TMEM117: variants seen among roughly 807,000 people sequenced by gnomAD.
The protein encoded by TMEM117 is transmembrane protein 117.
Under a neutral mutation model 52.4 loss-of-function variants are expected in TMEM117, and 27 were observed. The observed-to-expected ratio is 0.51, with a 90% CI of 0.38 to 0.71. The LOEUF is 0.71. Among genes scored for constraint, TMEM117 ranks in the 30% least tolerant of loss-of-function variants. The pLI is 0.00. For missense variants in TMEM117, 556 were observed against 630.5 expected (o/e 0.88, Z 1.26); for synonymous variants, 215 against 206.3 (o/e 1.04, Z -0.36).
chr12:44,078,903 C>T (rs1474674939), intron 3 of TMEM117, among the ~76,000 whole-genome samples: 4 of 140,124 alleles, frequency 2.9e-5, no homozygotes, highest in East Asian at 4.6e-4. Flanking sequence ...TGATGTTACC[C>T]TCCCTGTGTC....
At chr12:44,196,390 A>G (rs1949421362) in intron 4 of TMEM117, among the ~76,000 whole-genome samples, 1 of 152,234 alleles carries the variant, frequency 6.6e-6, no homozygotes, top group African/African-American at 2.4e-5. Context: ...GAGTACAAAT[A>G]AACCATGTGA....
At chr12:44,229,116 T>C (rs995759551) in intron 5 of TMEM117, among the ~76,000 whole-genome samples, 2 of 151,948 alleles carry the variant, frequency 1.3e-5, no homozygotes, top group South Asian at 2.1e-4. Flanking sequence ...ATGACTTAAC[T>C]TGTGGCCTTG....
intron 3 of TMEM117, among the ~76,000 whole-genome samples, chr12:43,992,611 A>G (rs1945962433): frequency 6.6e-6 from 1 of 152,048 alleles, no homozygotes; most frequent in African/African-American, 2.4e-5. Context: ...TATACCACAT[A>G]TGTCCTCTGA....
the TMEM117 span, chr12:43,796,828 C>G: frequency 2.6e-6 from 2 of 783,390 alleles, no homozygotes; most frequent in Non-Finnish European, 4.0e-6. Flanking sequence ...ACAGGTAGTT[C>G]CCAGGCACTT....
intron 5 of TMEM117, among the ~76,000 whole-genome samples, chr12:44,273,170 A>G (rs774451978): frequency 2.3e-4 from 35 of 152,000 alleles, no homozygotes; most frequent in Admixed American, 2.0e-3. Context: ...GAATTGAACA[A>G]TGAGAACACT....
At position 43,954,187 on chromosome 12, in the gene TMEM117, A is replaced by C. The variant is rs181854347; in HGVS notation, c.410+9845A>C. On this transcript the variant is annotated intron_variant, in intron 3 of 7. Transcript: ENST00000266534. ...GAGAAATGTATAGCACTAAATGCCC[A>C]CATGAAAAAGCTAGAAAGATCTCAA... Among the ~76,000 whole-genome samples, 113 of 152,346 alleles carry C rather than the reference A, an allele frequency of 7.4e-4. 1 individual carries two copies. Among genetic ancestry groups the C allele is most frequent in the African/African-American group, 2.6e-3 (109 of 41,590 alleles).
rs1592736475 is a variant in TMEM117, at chr12:44,388,774, T to A, written c.*102T>A. 7.7e-7 allele frequency: 1 copy of A among 1,305,382 alleles called. No individual in the cohort carries two copies. The highest frequency in any genetic ancestry group is 2.3e-5 in the East Asian group (1 of 42,586). 80.9% of individuals were successfully genotyped at this position (1,305,382 alleles called of 1,614,324 possible). ...TATGTAAGGTTTACGTAGTGTTAGG[T>A]AAAAATATGAACAATGCCACAACGG... is the stretch of plus-strand genomic sequence containing the variant. On this transcript the variant is annotated 3_prime_UTR_variant, in exon 8 of 8. Transcript: ENST00000266534.
At chr12:44,065,195 A>G (rs952256170) in intron 3 of TMEM117, among the ~76,000 whole-genome samples, 7 of 152,180 alleles carry the variant, frequency 4.6e-5, no homozygotes, top group African/African-American at 1.7e-4. Flanking sequence ...GCTGGCCAAG[A>G]TGGTGAAACC....
In TMEM117 at chr12:44,325,313, G is replaced by C. The variant is rs371540061; in HGVS notation, c.768+25574G>C. On this transcript the variant is annotated intron_variant, in intron 6 of 7. Coordinates refer to ENST00000266534, the MANE Select transcript of TMEM117 (RefSeq NM_032256.3). Reference sequence around the variant, plus strand: ...AAAACTATGAATATCCACACTAAGTGGGGGCAGACATTGGCCATTCATATT... The same window carrying C: ...AAAACTATGAATATCCACACTAAGTCGGGGCAGACATTGGCCATTCATATT... Among the ~76,000 whole-genome samples the C allele has an allele frequency of 2.0e-4, 30 of 152,168 alleles. No individual in the cohort carries two copies. In the South Asian group the frequency reaches 5.8e-3, roughly 29 times the overall value.
At chr12:44,195,228 T>C (rs905277789) in intron 4 of TMEM117, among the ~76,000 whole-genome samples, 6 of 152,190 alleles carry the variant, frequency 3.9e-5, no homozygotes, top group African/African-American at 1.4e-4. Context: ...CAGAATTCAG[T>C]TCCTTTTGCT....
chr12:44,164,598 A>G (rs951867138), intron 4 of TMEM117, among the ~76,000 whole-genome samples: 1 of 152,230 alleles, frequency 6.6e-6, no homozygotes, highest in African/African-American at 2.4e-5. Context: ...CAGTATGGAA[A>G]TACAGGAACA....
chr12:44,117,375 C>T (rs918079228), intron 3 of TMEM117, among the ~76,000 whole-genome samples: 2 of 151,868 alleles, frequency 1.3e-5, no homozygotes, highest in Non-Finnish European at 2.9e-5. Flanking sequence ...GCATTTTCTT[C>T]AAGGTGTTGC....
intron 3 of TMEM117, among the ~76,000 whole-genome samples, chr12:44,071,148 G>C (rs1200805753): frequency 6.6e-6 from 1 of 152,160 alleles, no homozygotes; most frequent in Non-Finnish European, 1.5e-5. Context: ...AACTAACCCT[G>C]TAGTTTCTTC....
At chr12:43,879,648 GGAGAGCC>G (rs2137447074) in intron 2 of TMEM117, among the ~76,000 whole-genome samples, 1 of 152,226 alleles carries the variant, frequency 6.6e-6, no homozygotes, top group East Asian at 1.9e-4. Context: ...CTGTATTTTT[GGAGAGCC>G]CCAACTCCTT....
chr12:43,997,556 T>G (rs1946051347), intron 3 of TMEM117, among the ~76,000 whole-genome samples: 1 of 152,192 alleles, frequency 6.6e-6, no homozygotes, highest in Non-Finnish European at 1.5e-5. Context: ...ATCCTCCAAT[T>G]CTATTCCCCT....
chr12:43,893,405 T>C (rs941428620), intron 2 of TMEM117, among the ~76,000 whole-genome samples: 16 of 152,202 alleles, frequency 1.1e-4, no homozygotes, highest in Non-Finnish European at 2.2e-4. Context: ...AATCACTCAG[T>C]TGGCTACAGT....
intron 4 of TMEM117, among the ~76,000 whole-genome samples, chr12:44,153,379 G>A (rs12319009): frequency 0.27 from 40,978 of 151,840 alleles, 9,979 homozygotes; most frequent in African/African-American, 0.66. Flanking sequence ...TTAATCCAAT[G>A]TGGCATATAG....
At chr12:43,948,338 C>T (rs572007577) in intron 3 of TMEM117, among the ~76,000 whole-genome samples, 2 of 151,854 alleles carry the variant, frequency 1.3e-5, no homozygotes, top group African/African-American at 4.8e-5. Context: ...CTGAGTCTCA[C>T]TCTGTCGCCC....
the TMEM117 span, chr12:43,805,793 G>T: frequency 1.5e-6 from 2 of 1,358,458 alleles, no homozygotes; most frequent in Non-Finnish European, 1.9e-6. Flanking sequence ...TCAAAGTCCT[G>T]TAATATTCTC....
Sources: allele counts gnomAD v4.1 joint callset (sites outside exome capture counted in the v4.1 genomes callset), GRCh38; gene constraint gnomAD v4.1.1; transcripts MANE v1.5; gene names NCBI Gene and HGNC (gene_info 2026-07-23, HGNC 2026-07-21).